Variants in AFF3 observed in about 807,000 individuals in gnomAD.
AFF3 encodes ALF transcription elongation factor 3, also known as AF4/FMR2 family member 3.
In AFF3, 32 loss-of-function variants were observed where a neutral mutation model predicts 129.7. The ratio of observed to expected loss-of-function variants is 0.25; its 90% CI spans 0.19 to 0.33. The LOEUF (loss-of-function observed/expected upper bound fraction) is 0.33. Ranked by LOEUF, AFF3 falls within the 10% of genes least tolerant of loss-of-function variation. The pLI, the probability that AFF3 is intolerant of heterozygous loss-of-function variation, is 1.00. For missense variants in AFF3, 1,373 were observed against 1,592.0 expected (o/e 0.86, Z 2.34); for synonymous variants, 644 against 635.4 (o/e 1.01, Z -0.20).
chr2:100,039,953 A>G (rs1206791868), intron 4 of AFF3, among the ~76,000 whole-genome samples: 1 of 152,156 alleles, frequency 6.6e-6, no homozygotes, highest in Non-Finnish European at 1.5e-5. Flanking sequence ...CAGTGGATAA[A>G]TGTCTGTCAA....
intron 7 of AFF3, among the ~76,000 whole-genome samples, chr2:99,955,429 T>C (rs979818428): frequency 6.6e-6 from 1 of 152,172 alleles, no homozygotes; most frequent in Non-Finnish European, 1.5e-5. Flanking sequence ...GAGAATTGCC[T>C]CCAAAAAATT....
At chr2:99,884,790 G>A (rs1228903434) in intron 7 of AFF3, among the ~76,000 whole-genome samples, 3 of 152,180 alleles carry the variant, frequency 2.0e-5, no homozygotes, top group Admixed American at 2.0e-4. Flanking sequence ...TCACTGTGAA[G>A]ACCACATTAG....
intron 8 of AFF3, among the ~76,000 whole-genome samples, chr2:99,810,426 G>A (rs1441074560): frequency 6.6e-6 from 1 of 152,202 alleles, no homozygotes; most frequent in Non-Finnish European, 1.5e-5. Flanking sequence ...TGCCCACAGG[G>A]CACAGAGCAA....
At chr2:99,628,965 AC>A (rs1682867594) in intron 13 of AFF3, among the ~76,000 whole-genome samples, 1 of 150,602 alleles carries the variant, frequency 6.6e-6, no homozygotes, top group Non-Finnish European at 1.5e-5. Flanking sequence ...CAGGTGATCT[AC>A]CTGCCTCAGC....
chr2:99,793,750 T>C (rs939257482), intron 8 of AFF3, among the ~76,000 whole-genome samples: 1 of 152,206 alleles, frequency 6.6e-6, no homozygotes, highest in Non-Finnish European at 1.5e-5. Context: ...ATTTTCAGTA[T>C]CTTTGTCCAT....
At chr2:99,833,727 A>G in intron 8 of AFF3, among the ~76,000 whole-genome samples, 2 of 152,316 alleles carry the variant, frequency 1.3e-5, no homozygotes, top group Middle Eastern at 3.4e-3. Flanking sequence ...TAATGCTATG[A>G]AAAGCACCTA....
At chr2:99,964,663 T>G (rs1410745237) in intron 7 of AFF3, among the ~76,000 whole-genome samples, 1 of 152,190 alleles carries the variant, frequency 6.6e-6, no homozygotes, top group East Asian at 1.9e-4. Context: ...ATGAGGAACT[T>G]CTAAAGTATT....
rs150117445 is a variant in AFF3 at position 99,806,498 on chromosome 2, G to A, written c.921+30979C>T. 3.3e-4 allele frequency among the ~76,000 whole-genome samples: 51 copies of A among 152,242 alleles called. 1 individual carries two copies. The highest frequency in any genetic ancestry group is 1.7e-3 in the South Asian group (8 of 4,816). ...GAGGACCCCTGAACAAATTCAATGC[G>A]ATGCACCAGGAATCTCGCTCCCTAT... is the stretch of plus-strand genomic sequence containing the variant. On this transcript the variant is annotated intron_variant, in intron 8 of 24. Transcript: ENST00000672756.
chr2:99,746,435 G>T (rs1255896984), intron 9 of AFF3, among the ~76,000 whole-genome samples: 1 of 152,190 alleles, frequency 6.6e-6, no homozygotes, highest in Non-Finnish European at 1.5e-5. Context: ...GAGCCAGTCG[G>T]TGGGCAGAGG....
At chr2:99,598,233 T>C (rs1490470875) in intron 14 of AFF3, among the ~76,000 whole-genome samples, 1 of 152,144 alleles carries the variant, frequency 6.6e-6, no homozygotes, top group Non-Finnish European at 1.5e-5. Flanking sequence ...CAGGCTTTTT[T>C]ATTTTATTTT....
intron 11 of AFF3, 45 bp downstream of exon 11, chr2:99,727,032 A>T (rs778051752): frequency 2.0e-6 from 3 of 1,512,546 alleles, no homozygotes; most frequent in Non-Finnish European, 2.7e-6. Flanking sequence ...TTTATGAGGC[A>T]TATTTAAGAA....
intron 13 of AFF3, among the ~76,000 whole-genome samples, chr2:99,612,887 A>G (rs1209588669): frequency 6.6e-6 from 1 of 152,260 alleles, no homozygotes; most frequent in African/African-American, 2.4e-5. Context: ...TGGGCTACAA[A>G]GCAGCATGAT....
chr2:99,797,050 CTCTG>C (rs1410410519), intron 8 of AFF3, among the ~76,000 whole-genome samples: 2 of 152,126 alleles, frequency 1.3e-5, no homozygotes, highest in African/African-American at 4.8e-5. Flanking sequence ...AAAAGCAAAA[CTCTG>C]TCTGGGTCCA....
chr2:99,768,815 C>T (rs911345227), intron 8 of AFF3, among the ~76,000 whole-genome samples: 4 of 152,188 alleles, frequency 2.6e-5, no homozygotes, highest in Non-Finnish European at 4.4e-5. Flanking sequence ...AAATATGTCA[C>T]GCCACTCTCT....
chr2:100,002,650 C>G (rs1322220153), intron 7 of AFF3, among the ~76,000 whole-genome samples: 3 of 152,210 alleles, frequency 2.0e-5, no homozygotes, highest in Admixed American at 2.0e-4. Context: ...ACTGACTAAG[C>G]TATGGGCACC....
chr2:100,106,004 C>A, intron 2 of AFF3: 7 of 1,322,718 alleles, frequency 5.3e-6, no homozygotes, highest in Non-Finnish European at 7.0e-6. Flanking sequence ...ATCCCTCCAG[C>A]GTCAAGCCGA....
chr2:100,105,399 C>A (rs1011048912), intron 3 of AFF3, 105 bp downstream of exon 3: 1 of 1,296,488 alleles, frequency 7.7e-7, no homozygotes, highest in Non-Finnish European at 1.0e-6. Context: ...GAAACCTCTT[C>A]CACCCGGACC....
intron 7 of AFF3, among the ~76,000 whole-genome samples, chr2:99,975,595 A>T (rs150754797): frequency 6.6e-6 from 1 of 152,234 alleles, no homozygotes. Context: ...TGTATGTAGG[A>T]GGAAGCAGTA....
At chr2:99,666,088 G>A (rs1686648403) in intron 12 of AFF3, among the ~76,000 whole-genome samples, 1 of 152,206 alleles carries the variant, frequency 6.6e-6, no homozygotes, top group South Asian at 2.1e-4. Context: ...ACAACAGGAG[G>A]ACACAGGATG....
Sources: allele counts gnomAD v4.1 joint callset (sites outside exome capture counted in the v4.1 genomes callset), GRCh38; gene constraint gnomAD v4.1.1; transcripts MANE v1.5; gene names NCBI Gene and HGNC (gene_info 2026-07-23, HGNC 2026-07-21).